SPAST: variants seen among roughly 807,000 people sequenced by gnomAD.
The protein encoded by SPAST is spastic paraplegia 4 (autosomal dominant; spastin).
In SPAST, 30 loss-of-function variants were observed where a neutral mutation model predicts 76.6. The ratio of observed to expected loss-of-function variants is 0.39; its 90% CI spans 0.29 to 0.53. SPAST has a LOEUF of 0.53. Ranked by LOEUF, SPAST falls within the 20% of genes least tolerant of loss-of-function variation. SPAST has a pLI of 0.68. For synonymous variants in SPAST, 305 were observed against 281.0 expected (o/e 1.09, Z -0.86); for missense variants, 717 against 770.5 (o/e 0.93, Z 0.82).
intron 1 of SPAST, among the ~76,000 whole-genome samples, chr2:32,072,993 T>TC (rs1676812845): frequency 6.6e-6 from 1 of 152,236 alleles, no homozygotes; most frequent in Admixed American, 6.5e-5. Context: ...TCACATTTTT[T>TC]CTCAAGATTA....
chr2:32,068,050 C>T (rs1339080925), intron 1 of SPAST, among the ~76,000 whole-genome samples: 87 of 150,604 alleles, frequency 5.8e-4, no homozygotes, highest in African/African-American at 2.0e-3. Context: ...GCGATCTCGG[C>T]TCACTGCTAG....
chr2:32,085,848 C>A (rs745314541), intron 1 of SPAST, among the ~76,000 whole-genome samples: 1 of 151,846 alleles, frequency 6.6e-6, no homozygotes, highest in Admixed American at 6.6e-5. Context: ...TCGAGACTAT[C>A]CTGAACAACA....
intron 3 of SPAST, among the ~76,000 whole-genome samples, chr2:32,092,698 T>A (rs1677768473): frequency 1.3e-5 from 2 of 152,126 alleles, no homozygotes; most frequent in African/African-American, 4.8e-5. Flanking sequence ...TTTAAAAGTG[T>A]GGAGTGGTAG....
intron 3 of SPAST, among the ~76,000 whole-genome samples, chr2:32,095,674 G>T (rs1390752376): frequency 6.6e-6 from 1 of 152,044 alleles, no homozygotes; most frequent in East Asian, 1.9e-4. Flanking sequence ...AGGAGGTCGA[G>T]ACTGCAGTGA....
At chr2:32,150,159 G>A (rs1680030008) in intron 16 of SPAST, among the ~76,000 whole-genome samples, 1 of 147,338 alleles carries the variant, frequency 6.8e-6, no homozygotes, top group African/African-American at 2.5e-5. Context: ...TGCAACCTCC[G>A]CCTACTGGGT....
rs1678198117 is a variant in SPAST, at chr2:32,103,365, TTA to T, written c.682+4476_682+4477del. Among the ~76,000 whole-genome samples, 3 of 152,212 alleles carry T rather than the reference TTA, an allele frequency of 2.0e-5. No homozygotes were observed. The East Asian group carries it at 5.8e-4, about 29-fold the overall frequency. ...ATTTGATTCTTCTCTCTTTTCTTCTTTATTAGTCTTGGTAGCAGTCTATCAGT... is the reference window on the plus strand; with the variant it reads ...ATTTGATTCTTCTCTCTTTTCTTCTTTTAGTCTTGGTAGCAGTCTATCAGT... On this transcript the variant is annotated intron_variant, in intron 4 of 16. Transcript: ENST00000315285.
In SPAST at chr2:32,089,131, C is replaced by T. The variant is rs1384800621; in HGVS notation, c.503-391C>T. ...GGCTGGAATGCTGTGATGTGGTCAC[C>T]TCTCACTGCAACATCCACTTCCTGG... On this transcript the variant is annotated intron_variant, in intron 2 of 16. Coordinates refer to ENST00000315285, the MANE Select transcript of SPAST (RefSeq NM_014946.4). Among the ~76,000 whole-genome samples the T allele has an allele frequency of 1.1e-4, 17 of 151,538 alleles. No individual in the cohort carries two copies. In the East Asian group the frequency reaches 3.1e-3, roughly 28 times the overall value.
chr2:32,121,063 C>G (rs568988326), intron 7 of SPAST, among the ~76,000 whole-genome samples: 1 of 152,244 alleles, frequency 6.6e-6, no homozygotes, highest in Admixed American at 6.5e-5. Context: ...TGGATCTTCT[C>G]TTTATTCTTA....
chr2:32,123,674 CAAAT>C (rs1357991483), intron 7 of SPAST, among the ~76,000 whole-genome samples: 5 of 152,128 alleles, frequency 3.3e-5, no homozygotes, highest in Admixed American at 6.5e-5. Context: ...AAAGAATAGA[CAAAT>C]AAATCAGTAG....
Position 32,110,741 on chromosome 2 carries a change from T to C in SPAST, c.683-3897T>C, listed in dbSNP as rs544457962. Among the ~76,000 whole-genome samples, 32 of 140,916 alleles carry C rather than the reference T, an allele frequency of 2.3e-4. 1 individual carries two copies. The highest frequency in any genetic ancestry group is 8.0e-4 in the African/African-American group (31 of 38,914). The allele number at this position is 140,916 out of a possible 152,430, so 92.4% of individuals were successfully genotyped here. On this transcript the variant is annotated intron_variant, in intron 4 of 16. Coordinates refer to ENST00000315285, the MANE Select transcript of SPAST (RefSeq NM_014946.4). ...TATAGTATACATATAGTACACTGTA[T>C]AGTATATATAGTATAGTATATATAG... is the stretch of plus-strand genomic sequence containing the variant.
At chr2:32,132,853 C>CTACTAAA (rs1221672177) in intron 9 of SPAST, among the ~76,000 whole-genome samples, 2 of 152,030 alleles carry the variant, frequency 1.3e-5, no homozygotes, top group Non-Finnish European at 2.9e-5. Flanking sequence ...ATACAAATCT[C>CTACTAAA]TACTAAATAC....
rs145434660 is a variant in SPAST at position 32,080,536 on chromosome 2, G to A, written c.416-6956G>A. Among the ~76,000 whole-genome samples the A allele has an allele frequency of 1.5e-4, 23 of 151,906 alleles. No individual in the cohort carries two copies. In the East Asian group the frequency reaches 4.1e-3, roughly 27 times the overall value. The stretch of plus-strand genomic sequence containing the variant: ...ATGTAGTCTGGTTGGTTGAATTTGA[G>A]TGTTATATGGGGTCATAGAGTTAAA... On this transcript the variant is annotated intron_variant, in intron 1 of 16. Transcript: ENST00000315285.
intron 1 of SPAST, among the ~76,000 whole-genome samples, chr2:32,085,674 G>C (rs1677446246): frequency 6.6e-6 from 1 of 152,180 alleles, no homozygotes; most frequent in African/African-American, 2.4e-5. Flanking sequence ...AGAAACAGAA[G>C]AATCGGGGAG....
intron 1 of SPAST, among the ~76,000 whole-genome samples, chr2:32,085,945 G>A (rs1324858217): frequency 1.3e-5 from 2 of 152,004 alleles, no homozygotes; most frequent in Non-Finnish European, 2.9e-5. Flanking sequence ...GGGAGGCTGA[G>A]GCAGGAGAAT....
chr2:32,080,925 G>A (rs984139477), intron 1 of SPAST, among the ~76,000 whole-genome samples: 3 of 148,964 alleles, frequency 2.0e-5, no homozygotes, highest in Admixed American at 6.8e-5. Context: ...CTCCAGAGTA[G>A]CTAGGACTAC....
chr2:32,083,770 A>ATTTTTTTTT (rs1422616491), intron 1 of SPAST, among the ~76,000 whole-genome samples: 2 of 48,018 alleles, frequency 4.2e-5, no homozygotes, highest in Admixed American at 2.6e-4. Flanking sequence ...ATATATATAT[A>ATTTTTTTTT]TATATATTTT....
At chr2:32,065,305 A>G (rs1429299725) in intron 1 of SPAST, among the ~76,000 whole-genome samples, 1 of 152,272 alleles carries the variant, frequency 6.6e-6, no homozygotes, top group Admixed American at 6.6e-5. Flanking sequence ...GGCATGAGCC[A>G]CCGCGCCTGG....
intron 1 of SPAST, among the ~76,000 whole-genome samples, chr2:32,085,270 A>G (rs1336798872): frequency 1.4e-5 from 2 of 146,158 alleles, no homozygotes; most frequent in Non-Finnish European, 3.0e-5. Flanking sequence ...GCAATGGTAC[A>G]ATCTGGTACA....
At chr2:32,069,179 C>T (rs1027869957) in intron 1 of SPAST, among the ~76,000 whole-genome samples, 11 of 148,766 alleles carry the variant, frequency 7.4e-5, no homozygotes, top group South Asian at 2.1e-4. Context: ...CGCCACTGCA[C>T]GCCAGCCTGG....
Sources: allele counts gnomAD v4.1 joint callset (sites outside exome capture counted in the v4.1 genomes callset), GRCh38; gene constraint gnomAD v4.1.1; transcripts MANE v1.5; gene names NCBI Gene and HGNC (gene_info 2026-07-23, HGNC 2026-07-21).